The following CDH13 variants were observed in gnomAD, a reference collection of about 807,000 sequenced individuals.
CDH13 encodes the protein cadherin-13.
In CDH13, 24 loss-of-function variants were observed where a neutral mutation model predicts 63.8. The observed-to-expected ratio is 0.38, with a 90% CI of 0.27 to 0.53. The LOEUF (loss-of-function observed/expected upper bound fraction) is 0.53, where lower values mean the gene tolerates loss of function less well. Among genes scored for constraint, CDH13 ranks in the 20% least tolerant of loss-of-function variants. The pLI, the probability that CDH13 is intolerant of heterozygous loss-of-function variation, is 0.85. For synonymous variants in CDH13, 503 were observed against 355.3 expected (o/e 1.42, Z -4.67); for missense variants, 1,049 against 903.1 (o/e 1.16, Z -2.07).
At chr16:83,609,491 G>A (rs1380168997) in intron 8 of CDH13, among the ~76,000 whole-genome samples, 4 of 152,100 alleles carry the variant, frequency 2.6e-5, no homozygotes, top group South Asian at 2.1e-4. Flanking sequence ...AGATCAAATC[G>A]GCAAGAATTT....
chr16:83,075,439 C>T (rs546822408), intron 3 of CDH13, among the ~76,000 whole-genome samples: 3 of 152,266 alleles, frequency 2.0e-5, no homozygotes, highest in African/African-American at 7.2e-5. Flanking sequence ...CCTGTCTTAA[C>T]CTTGGGGTGA....
intron 13 of CDH13, among the ~76,000 whole-genome samples, chr16:83,789,138 G>C (rs1305327047): frequency 1.3e-5 from 2 of 152,086 alleles, no homozygotes; most frequent in African/African-American, 4.8e-5. Flanking sequence ...TAAGAATCTG[G>C]GTCAGAGGTA....
chr16:83,680,957 T>TAGAGGGA (rs1018294851), intron 10 of CDH13, among the ~76,000 whole-genome samples: 1 of 151,976 alleles, frequency 6.6e-6, no homozygotes, highest in African/African-American at 2.4e-5. Context: ...TGCACATCTG[T>TAGAGGGA]AGAGGGAAGA....
At chr16:83,547,955 G>T (rs796319895) in intron 7 of CDH13, among the ~76,000 whole-genome samples, 8 of 152,302 alleles carry the variant, frequency 5.3e-5, no homozygotes, top group African/African-American at 1.7e-4. Context: ...ACTGGGTTCT[G>T]TAAGCTCTGC....
intron 2 of CDH13, among the ~76,000 whole-genome samples, chr16:83,028,446 A>ACCG (rs1916016772): frequency 6.6e-6 from 1 of 152,158 alleles, no homozygotes; most frequent in South Asian, 2.1e-4. Flanking sequence ...ATCAAAAGGC[A>ACCG]CCGCAGCGTG....
intron 7 of CDH13, among the ~76,000 whole-genome samples, chr16:83,580,404 C>G (rs1244765254): frequency 6.6e-6 from 1 of 150,886 alleles, no homozygotes; most frequent in East Asian, 2.0e-4. Flanking sequence ...ATCTAAGACT[C>G]TAAGATCAAG....
chr16:82,882,032 G>A (rs1276296149), intron 2 of CDH13, among the ~76,000 whole-genome samples: 6 of 152,060 alleles, frequency 3.9e-5, no homozygotes, highest in Non-Finnish European at 7.3e-5. Flanking sequence ...ATCTATTCAT[G>A]CATCTATGTT....
At chr16:83,705,509 C>T (rs1906898021) in intron 10 of CDH13, among the ~76,000 whole-genome samples, 1 of 152,034 alleles carries the variant, frequency 6.6e-6, no homozygotes, top group African/African-American at 2.4e-5. Flanking sequence ...GTAGTCCCAG[C>T]TACTCGGGAG....
intron 6 of CDH13, among the ~76,000 whole-genome samples, chr16:83,425,348 C>A (rs148276635): frequency 5.9e-4 from 90 of 152,328 alleles, no homozygotes; most frequent in African/African-American, 1.7e-3. Context: ...CTGAAGCAAT[C>A]GAGGAAGGAG....
chr16:82,825,574 C>T (rs1166840872), intron 1 of CDH13: 1 of 150,020 alleles, frequency 6.7e-6, no homozygotes, highest in African/African-American at 2.5e-5. Flanking sequence ...CAGAGTCTCC[C>T]TCTGTTGCCC....
intron 4 of CDH13, among the ~76,000 whole-genome samples, chr16:83,168,954 A>G (rs1247722825): frequency 6.6e-6 from 1 of 152,120 alleles, no homozygotes; most frequent in East Asian, 1.9e-4. Context: ...AATTACTTTA[A>G]ACAATTCTGT....
At chr16:83,099,560 G>A (rs1472333478) in intron 3 of CDH13, among the ~76,000 whole-genome samples, 1 of 124,338 alleles carries the variant, frequency 8.0e-6, no homozygotes, top group Non-Finnish European at 1.8e-5. Flanking sequence ...CTAACCTCAT[G>A]TGATCTACCT....
At chr16:82,781,929 G>A (rs1259436664) in intron 1 of CDH13, among the ~76,000 whole-genome samples, 1 of 152,208 alleles carries the variant, frequency 6.6e-6, no homozygotes, top group Admixed American at 6.5e-5. Context: ...TCTAAAGAAA[G>A]AATGGTTTAC....
chr16:82,917,837 C>G lies in CDH13; in HGVS notation c.157+59364C>G, dbSNP rs539938563. 3.4e-4 allele frequency among the ~76,000 whole-genome samples: 51 copies of G among 150,728 alleles called. 1 individual carries two copies. The highest frequency in any genetic ancestry group is 1.2e-3 in the African/African-American group (48 of 40,590). On this transcript the variant is annotated intron_variant, in intron 2 of 13. Transcript: ENST00000567109. ...GGCTGAGGCGGGAGAATTGCTTGAA[C>G]CCAGGACGCAGAGGTTGCAGTGAGC...
At chr16:83,437,982 A>G (rs1164138561) in intron 6 of CDH13, among the ~76,000 whole-genome samples, 2 of 152,004 alleles carry the variant, frequency 1.3e-5, no homozygotes, top group African/African-American at 2.4e-5. Flanking sequence ...GGCCACTCCC[A>G]TGTGCATGCT....
intron 6 of CDH13, among the ~76,000 whole-genome samples, chr16:83,406,509 G>A (rs1170193490): frequency 6.6e-6 from 1 of 150,816 alleles, no homozygotes; most frequent in Non-Finnish European, 1.5e-5. Context: ...CATCGCCCAG[G>A]CTGGAGTGCA....
At chr16:82,891,521 A>C (rs1247019318) in intron 2 of CDH13, among the ~76,000 whole-genome samples, 2 of 152,166 alleles carry the variant, frequency 1.3e-5, no homozygotes, top group African/African-American at 4.8e-5. Flanking sequence ...GGAAGATCCC[A>C]CCTATTGAGT....
intron 2 of CDH13, among the ~76,000 whole-genome samples, chr16:82,992,703 A>C (rs1911790337): frequency 1.3e-5 from 2 of 152,124 alleles, no homozygotes. Flanking sequence ...GGTGATATAC[A>C]AAAAAAAGTT....
intron 10 of CDH13, chr16:83,721,117 C>G (rs1183314314): frequency 6.6e-6 from 1 of 152,274 alleles, no homozygotes; most frequent in African/African-American, 2.4e-5. Context: ...ACCTGGCACA[C>G]TCAAACTCTG....
Sources: allele counts gnomAD v4.1 joint callset (sites outside exome capture counted in the v4.1 genomes callset), GRCh38; gene constraint gnomAD v4.1.1; transcripts MANE v1.5; gene names NCBI Gene and HGNC (gene_info 2026-07-23, HGNC 2026-07-21).